IKBKG: variants seen among roughly 807,000 people sequenced by gnomAD.
The protein encoded by IKBKG is NF-kappa-B essential modulator.
A neutral mutation model predicts 13.7 loss-of-function variants in IKBKG; 2 were observed. The ratio of observed to expected loss-of-function variants is 0.15; its 90% confidence interval spans 0.06 to 0.46. IKBKG has a LOEUF of 0.46. IKBKG is among the 20% of genes least tolerant of loss of function. The probability of loss-of-function intolerance (pLI) is 0.98; values close to 1 mark genes in which losing one functional copy is unlikely to be tolerated. For missense variants in IKBKG, 53 were observed against 150.3 expected (o/e 0.35, Z 3.39); for synonymous variants, 22 against 64.4 (o/e 0.34, Z 3.15).
upstream of IKBKG, among the ~76,000 whole-genome samples, chrX:154,544,193 C>T (rs2070617428): frequency 2.0e-5 from 2 of 102,522 alleles, no homozygotes; most frequent in Admixed American, 1.1e-4. Context: ...GACAGAGTCT[C>T]GCTCTGTCGC....
At chrX:154,544,224 C>T (rs1231036704), upstream of IKBKG, among the ~76,000 whole-genome samples, 4 of 108,523 alleles carry the variant, frequency 3.7e-5, no homozygotes, top group East Asian at 8.7e-4. Context: ...TGCAGTGGCG[C>T]GATCTCAGCT....
At chrX:154,548,489 C>T (rs1364254189) in intron 1 of IKBKG, among the ~76,000 whole-genome samples, 1 of 112,604 alleles carries the variant, frequency 8.9e-6, no homozygotes, top group Admixed American at 9.4e-5. Flanking sequence ...AGCTCAGAGA[C>T]AGTGCTTTGA....
upstream of IKBKG, chrX:154,542,567 G>C: frequency 2.1e-6 from 2 of 969,717 alleles, no homozygotes; most frequent in Non-Finnish European, 2.7e-6. Context: ...CTGGGTGTGT[G>C]GGCAAGTGTG....
At chrX:154,546,660 G>A (rs1557233416), upstream of IKBKG, 1 of 556,967 alleles carries the variant, frequency 1.8e-6, no homozygotes, top group Non-Finnish European at 2.8e-6. Context: ...GGGTATAAAG[G>A]GATTGGTTAA....
At chrX:154,546,679 C>G, upstream of IKBKG, 1 of 646,322 alleles carries the variant, frequency 1.5e-6, no homozygotes, top group Non-Finnish European at 2.3e-6. Context: ...AAGACCCTCT[C>G]GATTCTGCTC....
upstream of IKBKG, chrX:154,542,376 A>G (rs782253817): frequency 1.7e-6 from 2 of 1,207,304 alleles, no homozygotes; most frequent in South Asian, 3.6e-5. Flanking sequence ...AGCATCATCG[A>G]GGTCCCATCA....
At chrX:154,546,971 GC>G, upstream of IKBKG, 1 of 309,027 alleles carries the variant, frequency 3.2e-6, no homozygotes, top group Non-Finnish European at 5.0e-6. Context: ...TGCGGGCGGG[GC>G]GGGGCGAGGG....
intron 2 of IKBKG, among the ~76,000 whole-genome samples, chrX:154,554,816 G>C (rs2071018917): frequency 1.8e-5 from 2 of 111,916 alleles, no homozygotes; most frequent in Admixed American, 9.5e-5. Flanking sequence ...GATTCTGATG[G>C]GGGGTGGATG....
upstream of IKBKG, chrX:154,545,970 TGGAAAAGCTGA>T: frequency 8.4e-7 from 1 of 1,190,700 alleles, no homozygotes; most frequent in Non-Finnish European, 1.1e-6. Context: ...AACAATTAGT[TGGAAAAGCTGA>T]GGCATGGAGC....
upstream of IKBKG, among the ~76,000 whole-genome samples, chrX:154,543,570 T>C (rs949739177): frequency 1.2e-4 from 13 of 112,256 alleles, no homozygotes; most frequent in Admixed American, 7.6e-4. Context: ...TGTGACAGCA[T>C]GGGGTGGGGA....
At chrX:154,555,797 CTG>C (rs1170374294) in intron 2 of IKBKG, among the ~76,000 whole-genome samples, 4 of 111,956 alleles carry the variant, frequency 3.6e-5, no homozygotes, top group Non-Finnish European at 7.5e-5. Context: ...CCAAGCTGGT[CTG>C]GAGCTCCTGA....
chrX:154,558,863 G>C, intron 4 of IKBKG, among the ~76,000 whole-genome samples: 1 of 91,242 alleles, frequency 1.1e-5, no homozygotes, highest in Admixed American at 1.2e-4. Flanking sequence ...GATGGAGTTT[G>C]GATTATTTCC....
upstream of IKBKG, chrX:154,547,566 G>A (rs782435077): frequency 7.2e-5 from 54 of 754,103 alleles, no homozygotes; most frequent in Non-Finnish European, 8.3e-5. Flanking sequence ...GGCTTCCCGA[G>A]TTCTCGGGGG....
chrX:154,555,406 TACAA>T (rs1422939169), intron 2 of IKBKG, among the ~76,000 whole-genome samples: 1 of 112,173 alleles, frequency 8.9e-6, no homozygotes, highest in Non-Finnish European at 1.9e-5. Context: ...TCGAGTCACT[TACAA>T]ACAAAGTGGC....
intron 2 of IKBKG, among the ~76,000 whole-genome samples, chrX:154,555,472 C>T (rs898734641): frequency 8.9e-6 from 1 of 112,795 alleles, no homozygotes; most frequent in Admixed American, 9.3e-5. Flanking sequence ...TTTCGGAGGC[C>T]GAGGTGGGAG....
upstream of IKBKG, chrX:154,547,050 C>T: frequency 5.5e-6 from 1 of 183,040 alleles, no homozygotes; most frequent in Admixed American, 7.9e-5. Context: ...GGCCCGCCGG[C>T]TGCCTGCCAT....
At chrX:154,543,052 C>T (rs782074422), upstream of IKBKG, among the ~76,000 whole-genome samples, 17 of 112,124 alleles carry the variant, frequency 1.5e-4, no homozygotes, top group African/African-American at 5.2e-4. Context: ...CCTCCCGCAC[C>T]GAGTGAGGCA....
upstream of IKBKG, chrX:154,546,856 G>GC: frequency 9.0e-7 from 1 of 1,111,068 alleles, no homozygotes; most frequent in Non-Finnish European, 1.2e-6. Context: ...CGGGGGCTGA[G>GC]CCCCGCCGGC....
chrX:154,549,277 G>A (rs1818355894), intron 1 of IKBKG, among the ~76,000 whole-genome samples: 1 of 109,473 alleles, frequency 9.1e-6, no homozygotes, highest in Non-Finnish European at 1.9e-5. Context: ...CACCGCGCCC[G>A]GCCTCTTTTT....
Sources: allele counts gnomAD v4.1 joint callset (sites outside exome capture counted in the v4.1 genomes callset), GRCh38; gene constraint gnomAD v4.1.1; transcripts MANE v1.5; gene names NCBI Gene and HGNC (gene_info 2026-07-23, HGNC 2026-07-21).